Variants in UGT2B11 observed in about 807,000 individuals in gnomAD.
UGT2B11 encodes the protein UDP-glucuronosyltransferase 2B11.
UGT2B11 carries 49 observed loss-of-function variants against 51.7 expected under a neutral mutation model. The ratio of observed to expected loss-of-function variants is 0.95; its 90% CI spans 0.75 to 1.20. UGT2B11 has a LOEUF of 1.20. UGT2B11 is among the 50% of genes most tolerant of loss of function. UGT2B11 has a pLI of 0.00. For missense variants in UGT2B11, 810 were observed against 622.1 expected, an observed-to-expected ratio of 1.30 and a Z score of -3.21; for synonymous variants, 273 against 209.0, an observed-to-expected ratio of 1.31 and a Z score of -2.64.
In UGT2B11 at chr4:69,204,435, A is replaced by T. The variant is rs1721771603; in HGVS notation, c.1305T>A (p.Asp435Glu). 6.2e-7 allele frequency: 1 copy of T among 1,611,574 alleles called. No individual in the cohort carries two copies. The highest frequency in any genetic ancestry group is 1.3e-5 in the African/African-American group (1 of 74,724). ...AAAAACATTGTTCTACTCACAAAGG[A>T]TCATTAATTACTGTCTTCAGTGCAT... is the stretch of plus-strand genomic sequence containing the variant. ...LLNALKTVIN[D>E]PLYKENIMKL... Residue 435 changes from aspartate to glutamate, a missense_variant, in exon 5 of 6, where the codon GAT becomes GAA. Coordinates refer to ENST00000446444, the MANE Select transcript of UGT2B11 (RefSeq NM_001073.3).
chr4:69,217,698 G>C (rs1381100315), upstream of UGT2B11, among the ~76,000 whole-genome samples: 1 of 151,974 alleles, frequency 6.6e-6, no homozygotes, highest in Non-Finnish European at 1.5e-5. Context: ...GGCTAACTTA[G>C]CTTCAAACTC....
chr4:69,213,515 A>T (rs527866134), intron 1 of UGT2B11, among the ~76,000 whole-genome samples: 1 of 151,778 alleles, frequency 6.6e-6, no homozygotes, highest in Admixed American at 6.6e-5. Flanking sequence ...TGTAGACATT[A>T]TCTCTCTCTA....
Position 69,200,650 on chromosome 4 carries a change from TG to T in UGT2B11, c.1379del (p.Ala460GlufsTer34). 6.2e-7 allele frequency: 1 copy of T among 1,612,446 alleles called. No individual in the cohort carries two copies. The highest frequency in any genetic ancestry group is 8.5e-7 in the Non-Finnish European group (1 of 1,178,928). Reference protein sequence around the residue: ...HDQPVKPLDRAVFWIEFVMPH... With the variant: ...HDQPVKPLDRXVFWIEFVMPH... ...GCATGACAAATTCAATCCAGAAGAC[TG>T]CTCGATCCAGGGGCTTTACTGGTTG... On this transcript the variant is annotated frameshift_variant, in exon 6 of 6. Transcript: ENST00000446444. LOFTEE classifies it high-confidence loss of function.
chr4:69,201,572 G>T (rs867603675), intron 5 of UGT2B11, among the ~76,000 whole-genome samples: 2 of 151,608 alleles, frequency 1.3e-5, no homozygotes, highest in Middle Eastern at 3.2e-3. Flanking sequence ...AGCTTCCAAA[G>T]GTGTTCTCAT....
intron 2 of UGT2B11, among the ~76,000 whole-genome samples, chr4:69,208,701 T>C (rs1380384753): frequency 2.0e-5 from 3 of 151,664 alleles, no homozygotes; most frequent in Non-Finnish European, 4.4e-5. Flanking sequence ...TGTATATGTA[T>C]GTATGTGTCT....
intron 2 of UGT2B11, 37 bp downstream of exon 2, chr4:69,212,536 G>T: frequency 6.3e-7 from 1 of 1,589,304 alleles, no homozygotes; most frequent in Non-Finnish European, 8.5e-7. Context: ...CTGAAACTTC[G>T]AAGCCAACAA....
the UGT2B11 span, among the ~76,000 whole-genome samples, chr4:69,221,015 T>C: frequency 2.6e-5 from 4 of 152,188 alleles, no homozygotes; most frequent in Non-Finnish European, 4.4e-5. Flanking sequence ...GCCTGCCTAG[T>C]ATTCTGGCTC....
chr4:69,210,234 A>T (rs535903758), intron 2 of UGT2B11, among the ~76,000 whole-genome samples: 6 of 151,624 alleles, frequency 4.0e-5, no homozygotes, highest in Non-Finnish European at 8.9e-5. Context: ...CTTTCATATA[A>T]GATGTTGGAT....
intron 3 of UGT2B11, 152 bp downstream of exon 3, chr4:69,208,199 T>C: frequency 1.4e-6 from 2 of 1,450,684 alleles, no homozygotes; most frequent in Non-Finnish European, 1.8e-6. Context: ...GGCACAACTA[T>C]TACTTGTGTT....
At position 69,212,726 on chromosome 4, in the gene UGT2B11, C is replaced by T. The variant is rs1214748698; in HGVS notation, c.722-5G>A. 8.8e-6 allele frequency: 14 copies of T among 1,598,302 alleles called. No homozygotes were observed. In the Admixed American group the frequency reaches 1.6e-4, roughly 18 times the overall value. On this transcript the variant is annotated splice_polypyrimidine_tract_variant and splice_region_variant and intron_variant, in intron 1 of 5. Coordinates refer to ENST00000446444, the MANE Select transcript of UGT2B11 (RefSeq NM_001073.3). ...CAAATAAGGTAGTGGGTCTTCCTGA[C>T]AGGAATAAAGAAAAGAAAAAGTGGA...
chr4:69,202,494 T>G (rs1313761288), intron 5 of UGT2B11, among the ~76,000 whole-genome samples: 4 of 151,686 alleles, frequency 2.6e-5, no homozygotes, highest in Non-Finnish European at 5.9e-5. Flanking sequence ...AAGTCTTGAT[T>G]TATTGCCCAC....
chr4:69,205,413 G>A (rs1199501530), intron 4 of UGT2B11, 67 bp downstream of exon 4: 1 of 1,553,422 alleles, frequency 6.4e-7, no homozygotes, highest in Non-Finnish European at 8.8e-7. Context: ...TATTCAATAA[G>A]CATGTTTCAT....
intron 3 of UGT2B11, among the ~76,000 whole-genome samples, chr4:69,206,184 T>C (rs1721849394): frequency 6.6e-6 from 1 of 151,470 alleles, no homozygotes; most frequent in Non-Finnish European, 1.5e-5. Context: ...TATATGTTAG[T>C]TGCAGTACTA....
Position 69,205,515 on chromosome 4 carries a change from C to T in UGT2B11, c.1055G>A (p.Arg352Gln), listed in dbSNP as rs149001013. The T allele has an allele frequency of 8.6e-4, 1,387 of 1,610,612 alleles. 14 individuals are homozygous for T. In the African/African-American group the frequency reaches 0.016, roughly 18 times the overall value. Residue 352 changes from arginine to glutamine, a missense_variant, in exon 4 of 6, where the codon CGG becomes CAG. Physicochemically the swap from Arg to Gln is conservative, Grantham distance 43. Coordinates refer to ENST00000446444, the MANE Select transcript of UGT2B11 (RefSeq NM_001073.3). ...ATTCTGGGGTATCCACTTGTACAGC[C>T]GAGTATTGAGACCTAAGGCATCTGG... is the stretch of plus-strand genomic sequence containing the variant. ...NKPDALGLNT[R>Q]LYKWIPQNDL...
intron 2 of UGT2B11, chr4:69,211,212 G>C (rs574843368): frequency 6.6e-6 from 1 of 151,478 alleles, no homozygotes; most frequent in South Asian, 2.1e-4. Context: ...TAAATACTTT[G>C]TTAAAGTCAA....
upstream of UGT2B11, chr4:69,216,050 CAGA>C: frequency 6.6e-6 from 1 of 151,994 alleles, no homozygotes; most frequent in East Asian, 1.9e-4. Flanking sequence ...ACAGTTACAT[CAGA>C]AGGAGGTAAT....
intron 2 of UGT2B11, among the ~76,000 whole-genome samples, chr4:69,209,267 A>C (rs1180945400): frequency 1.3e-5 from 2 of 151,644 alleles, no homozygotes; most frequent in East Asian, 1.9e-4. Context: ...CCCTGAAATC[A>C]CACTGTTAAA....
chr4:69,204,449 T>C lies in UGT2B11; in HGVS notation c.1291A>G (p.Thr431Ala), dbSNP rs766231415. The C allele has an allele frequency of 2.5e-6, 4 of 1,611,888 alleles. No homozygotes were observed. The highest frequency in any genetic ancestry group is 1.7e-6 in the Non-Finnish European group (2 of 1,178,564). ...ACTCACAAAGGATCATTAATTACTGTCTTCAGTGCATTCAGCAGGTCTGTA... is the reference window on the plus strand; with the variant it reads ...ACTCACAAAGGATCATTAATTACTGCCTTCAGTGCATTCAGCAGGTCTGTA... ...SSTDLLNALK[T>A]VINDPLYKEN... The change falls in exon 5 of 6, where the codon ACA (threonine) becomes GCA (alanine). Residue 431 changes from threonine to alanine, a missense_variant. By Grantham distance (58) the Thr-to-Ala change is moderately conservative (BLOSUM62 0). Coordinates refer to ENST00000446444, the MANE Select transcript of UGT2B11 (RefSeq NM_001073.3).
At position 69,205,502 on chromosome 4, in the gene UGT2B11, C is replaced by A. The variant is rs778931810; in HGVS notation, c.1068G>T (p.Trp356Cys). The change falls in exon 4 of 6, where the codon TGG becomes TGT. Residue 356 changes from tryptophan (W) to cysteine (C), a missense_variant. Transcript: ENST00000446444. ...ALGLNTRLYK[W>C]IPQNDLLGHP... ...TACCTAGAAGGTCATTCTGGGGTAT[C>A]CACTTGTACAGCCGAGTATTGAGAC... 14 of 1,610,626 alleles carry A rather than the reference C, an allele frequency of 8.7e-6. No homozygotes were observed. Among genetic ancestry groups the A allele is most frequent in the Non-Finnish European group, 1.2e-5 (14 of 1,177,934 alleles).
Sources: allele counts gnomAD v4.1 joint callset (sites outside exome capture counted in the v4.1 genomes callset), GRCh38; gene constraint gnomAD v4.1.1; transcripts MANE v1.5; gene names NCBI Gene and HGNC (gene_info 2026-07-23, HGNC 2026-07-21).